The following SVIL variants were observed in gnomAD, a reference collection of about 807,000 sequenced individuals.
SVIL encodes archvillin.
A neutral mutation model predicts 240.4 loss-of-function variants in SVIL; 101 were observed. The ratio of observed to expected loss-of-function variants is 0.42; its 90% CI spans 0.36 to 0.50. The LOEUF is 0.50. Among genes scored for constraint, SVIL ranks in the 20% least tolerant of loss-of-function variants. The pLI is 0.01. For synonymous variants in SVIL, 999 were observed against 1,100.0 expected, an observed-to-expected ratio of 0.91 and a Z score of 1.82; for missense variants, 2,512 against 2,818.7, an observed-to-expected ratio of 0.89 and a Z score of 2.46.
At chr10:29,625,463 A>AT (rs369586608) in intron 1 of SVIL, among the ~76,000 whole-genome samples, 2,626 of 151,730 alleles carry the variant, frequency 0.017, 81 homozygotes, top group African/African-American at 0.061. Flanking sequence ...ATATATATAT[A>AT]TTTTTTTTCC....
intron 1 of SVIL, among the ~76,000 whole-genome samples, chr10:29,715,602 T>C (rs2132679113): frequency 6.6e-6 from 1 of 152,338 alleles, no homozygotes; most frequent in Admixed American, 6.5e-5. Context: ...TCCCACAGAC[T>C]GTCCCTGGAG....
intron 1 of SVIL, among the ~76,000 whole-genome samples, chr10:29,574,483 A>T (rs114091844): frequency 2.0e-5 from 3 of 152,162 alleles, no homozygotes; most frequent in Admixed American, 2.0e-4. Flanking sequence ...GACACCCCAC[A>T]GTGATATCAC....
intron 1 of SVIL, among the ~76,000 whole-genome samples, chr10:29,584,698 G>A (rs1433508952): frequency 2.0e-5 from 3 of 152,130 alleles, no homozygotes; most frequent in Non-Finnish European, 4.4e-5. Context: ...ACACGGGTTC[G>A]GCAAGACAGC....
intron 17 of SVIL, among the ~76,000 whole-genome samples, chr10:29,500,735 C>T (rs1378589079): frequency 6.6e-6 from 1 of 152,106 alleles, no homozygotes; most frequent in Non-Finnish European, 1.5e-5. Context: ...CAATGTGATC[C>T]TAAGGCCTCG....
At chr10:29,526,092 C>T (rs371868736) in intron 13 of SVIL, among the ~76,000 whole-genome samples, 9 of 152,256 alleles carry the variant, frequency 5.9e-5, no homozygotes, top group South Asian at 2.1e-4. Flanking sequence ...ATCTGAAACA[C>T]GACAGTAAAA....
At position 29,735,636 on chromosome 10, in the gene SVIL, G is replaced by C. The variant is rs545951295; in HGVS notation, c.-400+115C>G. On this transcript the variant is annotated intron_variant, in intron 1 of 35. Transcript: ENST00000375400. The surrounding 1 kb of genome is among the most constrained non-coding windows in gnomAD (Gnocchi z 4.1). ...TCCCCGGCAGGGCCTCCCGCAGCCAGAGCGAGACTGACCCGCGCCTCCCGC... is the reference window on the plus strand; with the variant it reads ...TCCCCGGCAGGGCCTCCCGCAGCCACAGCGAGACTGACCCGCGCCTCCCGC... The C allele has an allele frequency of 6.6e-6, 1 of 151,660 alleles. No homozygotes were observed. Among genetic ancestry groups the C allele is most frequent in the Non-Finnish European group, 1.5e-5 (1 of 67,876 alleles). The allele number at this position is 151,660 out of a possible 1,614,324, so 9.4% of individuals were successfully genotyped here.
chr10:29,487,308 G>C lies in SVIL; in HGVS notation c.4349-9C>G. 1 of 1,613,920 alleles carries C rather than the reference G, an allele frequency of 6.2e-7. No individual in the cohort carries two copies. Among genetic ancestry groups the C allele is most frequent in the South Asian group, 1.1e-5 (1 of 91,064 alleles). On this transcript the variant is annotated splice_polypyrimidine_tract_variant and intron_variant, in intron 23 of 37. Coordinates refer to ENST00000355867, the MANE Select transcript of SVIL (RefSeq NM_021738.3). ...CTGCACATGTCTTCTTCCTGAACACGAGGCAGACAGTCACCGTCTTTCCAG... is the reference window on the plus strand; with the variant it reads ...CTGCACATGTCTTCTTCCTGAACACCAGGCAGACAGTCACCGTCTTTCCAG...
Position 29,533,274 on chromosome 10 carries a change from G to A in SVIL, c.1093C>T (p.Arg365Cys), listed in dbSNP as rs140331345. The change falls in exon 8 of 38, where the codon CGT (arginine) becomes TGT (cysteine). Residue 365 changes from arginine to cysteine, a missense_variant. Coordinates refer to ENST00000355867, the MANE Select transcript of SVIL (RefSeq NM_021738.3). ...KAAGSTRQPI[R>C]GYVQPADTGH... Reference sequence around the variant, plus strand: ...GTATCTGCGGGTTGGACATAGCCACGGATTGGCTGTCGTGTAGAGCCTGCT... The same window carrying A: ...GTATCTGCGGGTTGGACATAGCCACAGATTGGCTGTCGTGTAGAGCCTGCT... 2.3e-5 allele frequency: 37 copies of A among 1,613,968 alleles called. No individual in the cohort carries two copies. The highest frequency in any genetic ancestry group is 1.6e-4 in the Middle Eastern group (1 of 6,084).
chr10:29,662,675 G>T (rs947225709), intron 2 of SVIL, among the ~76,000 whole-genome samples: 14 of 152,332 alleles, frequency 9.2e-5, no homozygotes, highest in African/African-American at 2.9e-4. Context: ...ACTAGTAAGT[G>T]ACTGGACTGT....
intron 1 of SVIL, among the ~76,000 whole-genome samples, chr10:29,721,257 C>CAAACAAACAA (rs112683847): frequency 6.7e-6 from 1 of 150,018 alleles, no homozygotes; most frequent in African/African-American, 2.4e-5. Flanking sequence ...AACAAACAAA[C>CAAACAAACAA]AAAAAAACAC....
chr10:29,706,848 TCTG>T (rs1195925935), intron 1 of SVIL, among the ~76,000 whole-genome samples: 1 of 152,246 alleles, frequency 6.6e-6, no homozygotes, highest in African/African-American at 2.4e-5. Flanking sequence ...GCTTCTGTTT[TCTG>T]CATATGGCTA....
chr10:29,638,015 CTATTGG>C (rs547712431), upstream of SVIL, among the ~76,000 whole-genome samples: 455 of 152,268 alleles, frequency 3.0e-3, 1 homozygote, highest in African/African-American at 0.01. Context: ...TGGAACTCTT[CTATTGG>C]ATTGACCACA....
intron 2 of SVIL, among the ~76,000 whole-genome samples, chr10:29,668,764 G>A (rs1026470524): frequency 1.3e-5 from 2 of 152,266 alleles, no homozygotes; most frequent in Non-Finnish European, 1.5e-5. Flanking sequence ...GTGAGTCACT[G>A]CGCCCAGCCA....
intron 1 of SVIL, among the ~76,000 whole-genome samples, chr10:29,586,830 A>G (rs549804031): frequency 1.2e-4 from 19 of 152,274 alleles, no homozygotes; most frequent in East Asian, 5.8e-4. Flanking sequence ...TTATAAGTGG[A>G]AGCTAAATGA....
chr10:29,508,213 G>A (rs1589038441), intron 17 of SVIL: 1 of 460,930 alleles, frequency 2.2e-6, no homozygotes, highest in Non-Finnish European at 3.9e-6. Context: ...GACAAAGGCT[G>A]TGTCTGGTCT....
chr10:29,716,890 T>A (rs1348183212), intron 1 of SVIL, among the ~76,000 whole-genome samples: 1 of 152,184 alleles, frequency 6.6e-6, no homozygotes, highest in Non-Finnish European at 1.5e-5. Flanking sequence ...TGCAGGATTT[T>A]CTTTACAAAA....
At chr10:29,626,686 G>T (rs1172701610) in intron 1 of SVIL, among the ~76,000 whole-genome samples, 4 of 152,164 alleles carry the variant, frequency 2.6e-5, no homozygotes, top group African/African-American at 9.7e-5. Context: ...GAACACAAAA[G>T]AAACTATGAG....
At chr10:29,702,553 C>T (rs1396687483) in intron 1 of SVIL, among the ~76,000 whole-genome samples, 23 of 152,136 alleles carry the variant, frequency 1.5e-4, no homozygotes, top group Non-Finnish European at 2.1e-4. Context: ...CACACGTTCA[C>T]GAGGTTTATC....
chr10:29,495,166 G>A lies in SVIL; in HGVS notation c.3680C>T (p.Thr1227Ile), dbSNP rs1361997923. The A allele has an allele frequency of 6.6e-7, 1 of 1,513,384 alleles. No homozygotes were observed. The highest frequency in any genetic ancestry group is 9.1e-7 in the Non-Finnish European group (1 of 1,100,650). The allele number at this position is 1,513,384 out of a possible 1,614,324, so 93.7% of individuals were successfully genotyped here. ...RMVKKGLASP[T>I]AITPVASPIC... ...GGGTGAGGCTACTGGGGTTATGGCA[G>A]TAGGTGACGCCAAACCTGTGGAACA... is the stretch of plus-strand genomic sequence containing the variant. The change falls in exon 19 of 38, where the codon ACT (threonine) becomes ATT (isoleucine). Residue 1227 changes from threonine (T) to isoleucine (I), a missense_variant. Physicochemically the swap from Thr to Ile is moderately conservative, Grantham distance 89. Around this residue, in one of 3 missense-constraint regions of SVIL, gnomAD observed 272 missense variants for 406.8 expected, o/e 0.67. Transcript: ENST00000355867.
Sources: gnomAD v4.1 joint callset for allele counts (sites outside exome capture counted in the v4.1 genomes callset) on GRCh38, gnomAD v4.1.1 for gene constraint, gnomAD v4.1.1 regional missense constraint, Gnocchi (gnomAD v3.1) non-coding constraint, MANE v1.5 for transcripts, NCBI Gene and HGNC (gene_info 2026-07-23, HGNC 2026-07-21) for gene names.